Variants in PLD5 observed in about 807,000 individuals in gnomAD.
The protein encoded by PLD5 is phospholipase D family member 5.
Under a neutral mutation model 61.1 loss-of-function variants are expected in PLD5, and 36 were observed. That is an observed-to-expected ratio of 0.59 (90% confidence interval 0.45 to 0.78). The LOEUF is 0.78. Among genes scored for constraint, PLD5 ranks in the 30% least tolerant of loss-of-function variants. PLD5 has a pLI of 0.00. For synonymous variants in PLD5, 243 were observed against 242.8 expected (o/e 1.00, Z -0.01); for missense variants, 515 against 644.4 (o/e 0.80, Z 2.17).
intron 1 of PLD5, among the ~76,000 whole-genome samples, chr1:242,390,279 C>T (rs1662853937): frequency 6.6e-6 from 1 of 151,942 alleles, no homozygotes; most frequent in African/African-American, 2.4e-5. Flanking sequence ...AGGTTGGTCT[C>T]GAAGATACAA....
intron 3 of PLD5, among the ~76,000 whole-genome samples, chr1:242,267,337 C>T (rs539322780): frequency 2.6e-5 from 4 of 152,148 alleles, no homozygotes; most frequent in Non-Finnish European, 5.9e-5. Flanking sequence ...TAGCCTGGAG[C>T]TGGCTGGCAT....
At chr1:242,173,552 G>T (rs575742124) in intron 5 of PLD5, among the ~76,000 whole-genome samples, 1 of 151,772 alleles carries the variant, frequency 6.6e-6, no homozygotes, top group South Asian at 2.1e-4. Context: ...AAAAATTAAA[G>T]TTCATATGGA....
At chr1:242,435,484 G>A (rs1228058002) in intron 1 of PLD5, among the ~76,000 whole-genome samples, 1 of 149,372 alleles carries the variant, frequency 6.7e-6, no homozygotes, top group Non-Finnish European at 1.5e-5. Context: ...CTAAATGCCA[G>A]GAGGCTGTGA....
intron 2 of PLD5, among the ~76,000 whole-genome samples, chr1:242,328,227 C>T (rs1367100201): frequency 3.9e-5 from 6 of 152,034 alleles, no homozygotes; most frequent in Non-Finnish European, 8.8e-5. Context: ...CAGGACACAA[C>T]CATTTCTAGA....
chr1:242,508,207 T>C (rs1414946477), intron 1 of PLD5, among the ~76,000 whole-genome samples: 1 of 107,506 alleles, frequency 9.3e-6, no homozygotes, highest in African/African-American at 3.7e-5. Flanking sequence ...CCACTAAAAA[T>C]ACAAAAAAAA....
chr1:242,259,307 C>CCT (rs71176735), intron 4 of PLD5, among the ~76,000 whole-genome samples: 10,198 of 145,778 alleles, frequency 0.07, 417 homozygotes, highest in Middle Eastern at 0.12. Context: ...AGACATCACC[C>CCT]CTCTCTCTCT....
chr1:242,353,728 C>T (rs955466371), intron 1 of PLD5, among the ~76,000 whole-genome samples: 6 of 152,056 alleles, frequency 3.9e-5, no homozygotes, highest in African/African-American at 7.2e-5. Flanking sequence ...CTATCAGATA[C>T]ATGGCTTGCA....
intron 2 of PLD5, among the ~76,000 whole-genome samples, chr1:242,289,678 CTCAAG>C (rs1270687360): frequency 1.3e-5 from 2 of 152,122 alleles, no homozygotes; most frequent in African/African-American, 2.4e-5. Context: ...GATGGAAAAC[CTCAAG>C]TCCTTATGAA....
intron 1 of PLD5, among the ~76,000 whole-genome samples, chr1:242,362,174 T>A (rs1468386944): frequency 1.3e-5 from 2 of 152,144 alleles, no homozygotes; most frequent in African/African-American, 2.4e-5. Context: ...ACACTTTTTA[T>A]GTGTACAGTT....
intron 1 of PLD5, among the ~76,000 whole-genome samples, chr1:242,473,791 T>G (rs1384295563): frequency 6.6e-6 from 1 of 152,134 alleles, no homozygotes; most frequent in Non-Finnish European, 1.5e-5. Context: ...TGGGCTAATA[T>G]GAGCTAGCAT....
chr1:242,287,673 G>C (rs1675105373), intron 3 of PLD5, among the ~76,000 whole-genome samples: 2 of 152,122 alleles, frequency 1.3e-5, no homozygotes, highest in South Asian at 4.1e-4. Flanking sequence ...TATATATTTA[G>C]ATAGGGTAGC....
At chr1:242,242,010 T>TATATACAC (rs1266949663) in intron 4 of PLD5, among the ~76,000 whole-genome samples, 1 of 118,694 alleles carries the variant, frequency 8.4e-6, no homozygotes, top group Non-Finnish European at 1.7e-5. Context: ...TATATATATA[T>TATATACAC]AGACACACAC....
At chr1:242,499,915 T>C (rs887180476) in intron 1 of PLD5, among the ~76,000 whole-genome samples, 1 of 152,192 alleles carries the variant, frequency 6.6e-6, no homozygotes, top group Non-Finnish European at 1.5e-5. Context: ...TTCACTCACA[T>C]GTCCAGAACC....
chr1:242,199,126 T>G (rs1482000507), intron 5 of PLD5, among the ~76,000 whole-genome samples: 1 of 152,258 alleles, frequency 6.6e-6, no homozygotes, highest in Non-Finnish European at 1.5e-5. Flanking sequence ...TCCCTGTTTC[T>G]TTTTGCAATT....
chr1:242,251,028 T>C (rs1408414850), intron 4 of PLD5, among the ~76,000 whole-genome samples: 1 of 152,224 alleles, frequency 6.6e-6, no homozygotes, highest in Non-Finnish European at 1.5e-5. Context: ...AGTCAGGTCA[T>C]TTACTGAGAT....
intron 1 of PLD5, among the ~76,000 whole-genome samples, chr1:242,434,305 G>A (rs368970217): frequency 4.6e-5 from 7 of 152,344 alleles, no homozygotes; most frequent in South Asian, 2.1e-4. Context: ...GAGAAGAGCC[G>A]AGAAGACTTT....
chr1:242,345,155 A>G (rs1181177233), intron 2 of PLD5, among the ~76,000 whole-genome samples: 1 of 152,136 alleles, frequency 6.6e-6, no homozygotes, highest in African/African-American at 2.4e-5. Context: ...CATATCACCC[A>G]CTGCAGTTGT....
intron 5 of PLD5, among the ~76,000 whole-genome samples, chr1:242,219,205 C>T (rs1485983877): frequency 6.6e-6 from 1 of 152,156 alleles, no homozygotes; most frequent in African/African-American, 2.4e-5. Context: ...AAAAATTCCA[C>T]ATAGTTGAGC....
chr1:242,111,281 T>C (rs750796038), intron 7 of PLD5, among the ~76,000 whole-genome samples: 2 of 152,148 alleles, frequency 1.3e-5, no homozygotes, highest in African/African-American at 2.4e-5. Flanking sequence ...GGTGTTGAAC[T>C]CCTGACCTCA....
Sources: allele counts gnomAD v4.1 joint callset (sites outside exome capture counted in the v4.1 genomes callset), GRCh38; gene constraint gnomAD v4.1.1; transcripts MANE v1.5; gene names NCBI Gene and HGNC (gene_info 2026-07-23, HGNC 2026-07-21).